Variants in PCDHA6 observed in about 807,000 individuals in gnomAD.
PCDHA6 encodes the protein protocadherin alpha-6.
A neutral mutation model predicts 60.3 loss-of-function variants in PCDHA6; 55 were observed. The observed-to-expected ratio is 0.91, with a 90% CI of 0.73 to 1.14. The LOEUF (loss-of-function observed/expected upper bound fraction) is 1.14, where lower values mean the gene tolerates loss of function less well. Ranked by LOEUF, PCDHA6 falls within the 50% of genes most tolerant of loss-of-function variation. PCDHA6 has a pLI of 0.00. For missense variants in PCDHA6, 1,327 were observed against 1,256.5 expected (o/e 1.06, Z -0.85); for synonymous variants, 652 against 557.9 (o/e 1.17, Z -2.38).
At chr5:140,842,571 G>T (rs1554139191) in intron 1 of PCDHA6, 2 of 1,508,202 alleles carry the variant, frequency 1.3e-6, no homozygotes, top group African/African-American at 1.5e-5. Context: ...GACCGCGAGA[G>T]AGTGTCGGCC....
Position 140,857,130 on chromosome 5 carries a change from A to T in PCDHA6, c.2394+26645A>T, listed in dbSNP as rs1554149562. 6.3e-7 allele frequency: 1 copy of T among 1,598,310 alleles called. No individual in the cohort carries two copies. The highest frequency in any genetic ancestry group is 8.6e-7 in the Non-Finnish European group (1 of 1,167,812). On this transcript the variant is annotated intron_variant, in intron 1 of 3. Coordinates refer to ENST00000529310, the MANE Select transcript of PCDHA6 (RefSeq NM_018909.4). Reference sequence around the variant, plus strand: ...TCTCTGTCTCTCCCAGTGAAAGAAGATGCTCAAGTGGGCACCGTCATTGCC... The same window carrying T: ...TCTCTGTCTCTCCCAGTGAAAGAAGTTGCTCAAGTGGGCACCGTCATTGCC...
chr5:140,869,014 T>C (rs929309556), intron 1 of PCDHA6: 5 of 1,524,414 alleles, frequency 3.3e-6, no homozygotes, highest in Admixed American at 2.2e-5. Flanking sequence ...TGAAACTTCT[T>C]AAGAATTCAA....
chr5:141,000,185 G>A (rs1434179793), intron 3 of PCDHA6, among the ~76,000 whole-genome samples: 1 of 151,896 alleles, frequency 6.6e-6, no homozygotes, highest in African/African-American at 2.4e-5. Flanking sequence ...AGGAGTCAAT[G>A]TGAGAATAGT....
intron 1 of PCDHA6, among the ~76,000 whole-genome samples, chr5:140,912,536 A>G (rs1554195402): frequency 2.0e-5 from 3 of 152,290 alleles, no homozygotes; most frequent in African/African-American, 4.8e-5. Flanking sequence ...GTACATGATC[A>G]TATTGTCAGC....
At chr5:140,883,940 G>A in intron 1 of PCDHA6, 1 of 1,613,412 alleles carries the variant, frequency 6.2e-7, no homozygotes, top group Non-Finnish European at 8.5e-7. Flanking sequence ...CGTGCTGGAC[G>A]AGAACGACAA....
intron 1 of PCDHA6, among the ~76,000 whole-genome samples, chr5:140,831,520 C>CT (rs2150195630): frequency 0.01 from 1,282 of 122,330 alleles, 10 homozygotes; most frequent in East Asian, 0.043. Flanking sequence ...TGCCCCCCAC[C>CT]TTTTTTTTTT....
chr5:140,854,975 ATT>A (rs1554147536), intron 1 of PCDHA6, among the ~76,000 whole-genome samples: 1 of 149,964 alleles, frequency 6.7e-6, no homozygotes, highest in Non-Finnish European at 1.5e-5. Context: ...CAGAATTATA[ATT>A]AAGATTCTTT....
chr5:140,839,928 G>A (rs1237791336), intron 1 of PCDHA6, among the ~76,000 whole-genome samples: 1 of 152,036 alleles, frequency 6.6e-6, no homozygotes, highest in Non-Finnish European at 1.5e-5. Context: ...CTTGAACAAA[G>A]AGTGTGCCAA....
rs2150447816 is a variant in PCDHA6 at position 140,849,745 on chromosome 5, G to A, written c.2394+19260G>A. On this transcript the variant is annotated intron_variant, in intron 1 of 3. Coordinates refer to ENST00000529310, the MANE Select transcript of PCDHA6 (RefSeq NM_018909.4). Reference sequence around the variant, plus strand: ...CTGGACAGAGCTCTGGACCGCGAGAGTGTGTCCGCCTACGAGCTGGTGGTT... The same window carrying A: ...CTGGACAGAGCTCTGGACCGCGAGAATGTGTCCGCCTACGAGCTGGTGGTT... 2.6e-5 allele frequency: 41 copies of A among 1,598,346 alleles called. 3 individuals are homozygous for A. Among genetic ancestry groups the A allele is most frequent in the African/African-American group, 4.0e-5 (3 of 74,350 alleles).
chr5:140,939,246 C>A (rs536477969), intron 1 of PCDHA6, among the ~76,000 whole-genome samples: 1 of 152,112 alleles, frequency 6.6e-6, no homozygotes, highest in South Asian at 2.1e-4. Context: ...AGCAAGGTAG[C>A]TCTCTGGAAC....
At chr5:140,941,797 A>G (rs1425454318) in intron 1 of PCDHA6, among the ~76,000 whole-genome samples, 1 of 152,224 alleles carries the variant, frequency 6.6e-6, no homozygotes, top group African/African-American at 2.4e-5. Flanking sequence ...AAGAATATTT[A>G]GTTGATTTCA....
chr5:140,904,039 A>T (rs947456842), intron 1 of PCDHA6, among the ~76,000 whole-genome samples: 5 of 152,138 alleles, frequency 3.3e-5, no homozygotes, highest in Non-Finnish European at 7.4e-5. Context: ...TAACTTTTTA[A>T]TTTTTTTATT....
intron 3 of PCDHA6, among the ~76,000 whole-genome samples, chr5:140,986,226 C>T (rs2097191326): frequency 6.6e-6 from 1 of 152,168 alleles, no homozygotes; most frequent in African/African-American, 2.4e-5. Context: ...TCTCTAGCCT[C>T]CCCTCTGTGT....
At chr5:140,921,850 G>C (rs2080436717) in intron 1 of PCDHA6, among the ~76,000 whole-genome samples, 1 of 151,984 alleles carries the variant, frequency 6.6e-6, no homozygotes, top group African/African-American at 2.4e-5. Context: ...ATTTATAGAT[G>C]TGTGTGTATA....
In PCDHA6 at chr5:140,843,462, C is replaced by T. The variant is rs2150360645; in HGVS notation, c.2394+12977C>T. 3.1e-6 allele frequency: 5 copies of T among 1,596,046 alleles called. 1 individual carries two copies. The highest frequency in any genetic ancestry group is 2.2e-5 in the East Asian group (1 of 44,822). ...GCGGTATCCAGCCTGCTGGTGCTCACGCTGCTGCTGTACACTGCGCTGCGG... is the reference window on the plus strand; with the variant it reads ...GCGGTATCCAGCCTGCTGGTGCTCATGCTGCTGCTGTACACTGCGCTGCGG... On this transcript the variant is annotated intron_variant, in intron 1 of 3. Coordinates refer to ENST00000529310, the MANE Select transcript of PCDHA6 (RefSeq NM_018909.4).
chr5:140,985,228 C>G (rs1022229644), intron 3 of PCDHA6, among the ~76,000 whole-genome samples: 4 of 152,156 alleles, frequency 2.6e-5, no homozygotes, highest in Non-Finnish European at 4.4e-5. Context: ...TGAGCCACCG[C>G]GCCTGGCCTA....
intron 1 of PCDHA6, chr5:140,869,903 C>A: frequency 1.2e-6 from 2 of 1,610,648 alleles, no homozygotes; most frequent in Non-Finnish European, 1.7e-6. Flanking sequence ...CTAAACGCCA[C>A]AGACCGAGAC....
intron 1 of PCDHA6, chr5:140,835,991 C>T (rs781942603): frequency 1.2e-6 from 2 of 1,613,268 alleles, no homozygotes; most frequent in Non-Finnish European, 1.7e-6. Context: ...TCCAGGTGAG[C>T]GCGCGCGATG....
At chr5:140,866,702 C>T (rs251370) in intron 1 of PCDHA6, 67,860 of 151,870 alleles carry the variant, frequency 0.45, 15,551 homozygotes, top group South Asian at 0.58. Flanking sequence ...CAGTGGATGA[C>T]GTGCACTAGT....
Sources: allele counts gnomAD v4.1 joint callset (sites outside exome capture counted in the v4.1 genomes callset), GRCh38; gene constraint gnomAD v4.1.1; transcripts MANE v1.5; gene names NCBI Gene and HGNC (gene_info 2026-07-23, HGNC 2026-07-21).